Variants in ARMC9 observed in about 807,000 individuals in gnomAD.
ARMC9 encodes the protein armadillo repeat containing 9.
A neutral mutation model predicts 107.0 loss-of-function variants in ARMC9; 94 were observed. The ratio of observed to expected loss-of-function variants is 0.88; its 90% CI spans 0.74 to 1.04. The LOEUF (loss-of-function observed/expected upper bound fraction) is 1.04. Among genes scored for constraint, ARMC9 ranks in the 50% least tolerant of loss-of-function variants. ARMC9 has a pLI of 0.00. For synonymous variants in ARMC9, 380 were observed against 396.9 expected (o/e 0.96, Z 0.51); for missense variants, 942 against 1,030.1 (o/e 0.91, Z 1.17).
In ARMC9 at chr2:231,357,685, G is replaced by A. The variant is rs567760042; in HGVS notation, c.2131+1751G>A. 4.6e-5 allele frequency among the ~76,000 whole-genome samples: 7 copies of A among 152,232 alleles called. No homozygotes were observed. The South Asian group carries it at 8.3e-4, about 18-fold the overall frequency. ...CCTCACATTCCTAAGCGATCCTCCC[G>A]CATCAGCTTCCTGAGTAGCTGGCAC... On this transcript the variant is annotated intron_variant, in intron 22 of 24. Transcript: ENST00000611582.
intron 9 of ARMC9, among the ~76,000 whole-genome samples, chr2:231,247,280 G>T (rs183578117): frequency 4.5e-4 from 68 of 152,212 alleles, no homozygotes; most frequent in African/African-American, 1.4e-3. Flanking sequence ...GCATTAAAAT[G>T]GTTTTGATTT....
At chr2:231,334,480 G>A (rs967965221) in intron 20 of ARMC9, among the ~76,000 whole-genome samples, 2 of 152,164 alleles carry the variant, frequency 1.3e-5, no homozygotes, top group African/African-American at 4.8e-5. Flanking sequence ...TCCCCCGGGT[G>A]ACCCAGGATG....
intron 15 of ARMC9, among the ~76,000 whole-genome samples, chr2:231,277,136 G>A (rs1184578935): frequency 1.3e-5 from 2 of 152,156 alleles, no homozygotes; most frequent in Admixed American, 6.5e-5. Context: ...GGCCGCAGTA[G>A]CAGTGACACT....
At chr2:231,284,945 A>G (rs956298881) in intron 17 of ARMC9, among the ~76,000 whole-genome samples, 1 of 152,214 alleles carries the variant, frequency 6.6e-6, no homozygotes, top group African/African-American at 2.4e-5. Flanking sequence ...CACGCCTGTA[A>G]TCTCAGCACT....
chr2:231,323,590 G>A (rs566437339), intron 19 of ARMC9, among the ~76,000 whole-genome samples: 53 of 152,156 alleles, frequency 3.5e-4, no homozygotes, highest in African/African-American at 1.1e-3. Context: ...CCTTTTCGCC[G>A]GTTTCAGTGT....
rs143486201 is a variant in ARMC9, at chr2:231,303,745, C to A, written c.1773+7492C>A. On this transcript the variant is annotated intron_variant, in intron 19 of 24. Transcript: ENST00000611582. Reference sequence around the variant, plus strand: ...CTGAGGCCAGGAGTTCAAGACCAGCCTGGCCAACATGATGAAACCCCATTT... The same window carrying A: ...CTGAGGCCAGGAGTTCAAGACCAGCATGGCCAACATGATGAAACCCCATTT... Among the ~76,000 whole-genome samples, 26 of 152,284 alleles carry A rather than the reference C, an allele frequency of 1.7e-4. 1 individual carries two copies. Among genetic ancestry groups the A allele is most frequent in the Middle Eastern group, 6.8e-3 (2 of 294 alleles).
chr2:231,222,285 C>T (rs2034223532), intron 5 of ARMC9, among the ~76,000 whole-genome samples: 1 of 152,030 alleles, frequency 6.6e-6, no homozygotes, highest in Non-Finnish European at 1.5e-5. Context: ...AGCTTCTGTC[C>T]TTTTTTCTTA....
At chr2:231,261,065 G>A (rs920884104) in intron 11 of ARMC9, among the ~76,000 whole-genome samples, 6 of 152,200 alleles carry the variant, frequency 3.9e-5, no homozygotes, top group Middle Eastern at 3.2e-3. Flanking sequence ...AGCCCAGGGC[G>A]TCTGATGCTC....
rs773618086 is a variant in ARMC9, at chr2:231,269,398, C to CTTTTTTTTTTTT, written c.1120-1574_1120-1563dup. Reference sequence around the variant, plus strand: ...TCTTTAGGAGATTTCTTTTCTTCTTCTTTTTTTTTTTTTTTTTTTTTGAGA... The same window carrying CTTTTTTTTTTTT: ...TCTTTAGGAGATTTCTTTTCTTCTTCTTTTTTTTTTTTTTTTTTTTTTTTTTTTTTTTTGAGA... On this transcript the variant is annotated intron_variant, in intron 12 of 24. Transcript: ENST00000611582. 6.9e-4 allele frequency among the ~76,000 whole-genome samples: 77 copies of CTTTTTTTTTTTT among 112,366 alleles called. 1 individual carries two copies. Among genetic ancestry groups the CTTTTTTTTTTTT allele is most frequent in the African/African-American group, 2.6e-3 (68 of 25,756 alleles). The allele number at this position is 112,366 out of a possible 152,430, so 73.7% of individuals were successfully genotyped here. A position where few individuals can be genotyped will look rare whatever the true frequency, so the allele number is the denominator to read the frequency against.
chr2:231,218,950 C>T (rs1032866391), intron 5 of ARMC9, among the ~76,000 whole-genome samples: 3 of 152,036 alleles, frequency 2.0e-5, no homozygotes, highest in Non-Finnish European at 4.4e-5. Flanking sequence ...CGGGGTTTCA[C>T]CATGTTGGCC....
At chr2:231,299,851 A>G (rs770264568) in intron 19 of ARMC9, among the ~76,000 whole-genome samples, 4 of 152,226 alleles carry the variant, frequency 2.6e-5, no homozygotes, top group Non-Finnish European at 5.9e-5. Context: ...TTAAACCTCC[A>G]GAGAAACAAA....
At chr2:231,282,492 G>A (rs755872272) in intron 17 of ARMC9, among the ~76,000 whole-genome samples, 5 of 152,152 alleles carry the variant, frequency 3.3e-5, no homozygotes, top group Admixed American at 6.5e-5. Context: ...TAATGTGTAC[G>A]TTAACGCTTG....
At position 231,371,637 on chromosome 2, in the gene ARMC9, C is replaced by T. The variant is rs2046023939; in HGVS notation, c.*102C>T. The T allele has an allele frequency of 8.8e-7, 1 of 1,141,574 alleles. No individual in the cohort carries two copies. The highest frequency in any genetic ancestry group is 1.1e-6 in the Non-Finnish European group (1 of 905,280). 70.7% of individuals were successfully genotyped at this position (1,141,574 alleles called of 1,614,324 possible). A position where few individuals can be genotyped will look rare whatever the true frequency, so the allele number is the denominator to read the frequency against. The stretch of plus-strand genomic sequence containing the variant: ...TGATGGATGTGAAGGGACAGTTGTC[C>T]ACAAGACTCTGGGAGCTGAGGGGAG... On this transcript the variant is annotated 3_prime_UTR_variant, in exon 25 of 25. Transcript: ENST00000611582.
At chr2:231,252,225 G>T (rs1234912500) in intron 9 of ARMC9, among the ~76,000 whole-genome samples, 3 of 152,102 alleles carry the variant, frequency 2.0e-5, no homozygotes, top group South Asian at 2.1e-4. Context: ...TAATTATCAA[G>T]TATTTTTCTT....
intron 19 of ARMC9, among the ~76,000 whole-genome samples, chr2:231,308,913 C>T (rs2042182658): frequency 6.6e-6 from 1 of 151,536 alleles, no homozygotes; most frequent in Non-Finnish European, 1.5e-5. Context: ...GTGGCCAGCT[C>T]GCTTGGCATG....
At chr2:231,256,160 G>A (rs2037779371) in intron 9 of ARMC9, 4 of 1,528,530 alleles carry the variant, frequency 2.6e-6, no homozygotes, top group Non-Finnish European at 3.5e-6. Flanking sequence ...GGGCAGGACC[G>A]GCTCTCAGGG....
In ARMC9 at chr2:231,367,703, C is replaced by T. The variant is rs1451136634; in HGVS notation, c.2262-2250C>T. ...CTACAATTTAAAATAAGTTAACTGG[C>T]CGGGCGCGGTGGCTCATACCTATAA... On this transcript the variant is annotated intron_variant, in intron 23 of 24. Transcript: ENST00000611582. 2.0e-5 allele frequency among the ~76,000 whole-genome samples: 3 copies of T among 152,228 alleles called. No homozygotes were observed. The East Asian group carries it at 5.8e-4, about 29-fold the overall frequency.
rs537759330 is a variant in ARMC9, at chr2:231,217,493, C to T, written c.504+700C>T. On this transcript the variant is annotated intron_variant, in intron 5 of 24. Transcript: ENST00000611582. ...GCTGAGGCAGAACAGTTGCTCAAAC[C>T]CGGGAGGTGAAGGTTGCAGTGAACC... 1.4e-4 allele frequency among the ~76,000 whole-genome samples: 22 copies of T among 151,804 alleles called. 1 individual carries two copies. The East Asian group carries it at 4.3e-3, about 30-fold the overall frequency.
intron 20 of ARMC9, among the ~76,000 whole-genome samples, chr2:231,343,719 C>G (rs1019395006): frequency 2.0e-5 from 3 of 152,090 alleles, no homozygotes; most frequent in African/African-American, 7.2e-5. Context: ...TGTAGAGCCA[C>G]CCTAATCATG....
Sources: allele counts gnomAD v4.1 joint callset (sites outside exome capture counted in the v4.1 genomes callset), GRCh38; gene constraint gnomAD v4.1.1; transcripts MANE v1.5; gene names NCBI Gene and HGNC (gene_info 2026-07-23, HGNC 2026-07-21).